POLA1: variants seen among roughly 807,000 people sequenced by gnomAD.
The protein encoded by POLA1 is DNA polymerase alpha catalytic subunit.
A neutral mutation model predicts 124.0 loss-of-function variants in POLA1; 15 were observed. The observed-to-expected ratio is 0.12, with a 90% CI of 0.08 to 0.19. The LOEUF is 0.19. Ranked by LOEUF, POLA1 falls within the 10% of genes least tolerant of loss-of-function variation. POLA1 has a pLI of 1.00. For missense variants in POLA1, 886 were observed against 1,103.4 expected (o/e 0.80, Z 2.79); for synonymous variants, 408 against 389.4 (o/e 1.05, Z -0.56).
chrX:24,745,978 A>G (rs1225564088), intron 24 of POLA1, among the ~76,000 whole-genome samples: 1 of 111,877 alleles, frequency 8.9e-6, no homozygotes. Flanking sequence ...GTTGCTGAAT[A>G]ATATTCCATT....
intron 35 of POLA1, among the ~76,000 whole-genome samples, chrX:24,913,952 C>T (rs2147185207): frequency 9.0e-6 from 1 of 110,563 alleles, no homozygotes; most frequent in East Asian, 2.8e-4. Context: ...CACTTGAACC[C>T]AGGAGGCGGA....
intron 35 of POLA1, among the ~76,000 whole-genome samples, chrX:24,914,085 A>G (rs1488546706): frequency 9.1e-6 from 1 of 110,091 alleles, no homozygotes; most frequent in African/African-American, 3.3e-5. Flanking sequence ...AGCCAGGCAC[A>G]CTAGCATGTG....
chrX:24,912,990 A>G (rs975691330), intron 35 of POLA1, among the ~76,000 whole-genome samples: 1 of 112,109 alleles, frequency 8.9e-6, no homozygotes, highest in African/African-American at 3.2e-5. Flanking sequence ...CATATGATCC[A>G]GCAGTCCTGT....
intron 24 of POLA1, among the ~76,000 whole-genome samples, chrX:24,747,397 T>A (rs766384001): frequency 2.8e-3 from 313 of 110,717 alleles, no homozygotes; most frequent in African/African-American, 9.9e-3. Context: ...ACTCCCGACC[T>A]CAGGTGATCC....
Position 24,748,400 on chromosome X carries a change from G to A in POLA1, c.2781G>A (p.Arg927=). 8.3e-7 allele frequency: 1 copy of A among 1,202,834 alleles called. No homozygotes were observed. The highest frequency in any genetic ancestry group is 1.1e-6 in the Non-Finnish European group (1 of 887,560). The change falls in exon 25 of 37, where the codon CGG becomes CGA. Residue 927 remains arginine, a synonymous_variant. Coordinates refer to ENST00000379068, the MANE Select transcript of POLA1 (RefSeq NM_001330360.2). Reference sequence around the variant, plus strand: ...GAGAGATCCGGAAACTGGTAGAACGGAGAAAACAAGTCAAACAGCTAATGA... The same window carrying A: ...GAGAGATCCGGAAACTGGTAGAACGAAGAAAACAAGTCAAACAGCTAATGA... ...LPREIRKLVE[R]RKQVKQLMKQ...
At chrX:24,935,856 C>T (rs896658344) in intron 36 of POLA1, among the ~76,000 whole-genome samples, 4 of 112,591 alleles carry the variant, frequency 3.6e-5, no homozygotes, top group Non-Finnish European at 7.5e-5. Flanking sequence ...GGATTGTGCT[C>T]ATTATATTGA....
At chrX:24,767,850 A>G (rs1406643995) in intron 26 of POLA1, among the ~76,000 whole-genome samples, 1 of 112,124 alleles carries the variant, frequency 8.9e-6, no homozygotes, top group East Asian at 2.8e-4. Context: ...ATTGAGTTAG[A>G]TCTGACTTTG....
chrX:24,743,447 G>T, intron 23 of POLA1, 118 bp downstream of exon 23: 1 of 367,054 alleles, frequency 2.7e-6, no homozygotes, highest in East Asian at 4.4e-5. Context: ...TAGGTCTCAT[G>T]ACTTTTATCT....
chrX:24,986,992 T>C (rs1393889557), intron 36 of POLA1, among the ~76,000 whole-genome samples: 1 of 111,430 alleles, frequency 9.0e-6, no homozygotes, highest in Non-Finnish European at 1.9e-5. Flanking sequence ...GGGTATGGCC[T>C]GGACCAAGTG....
chrX:24,727,019 C>A lies in POLA1; in HGVS notation c.1479C>A (p.Phe493Leu). The A allele has an allele frequency of 8.3e-7, 1 of 1,200,531 alleles. No homozygotes were observed. Among genetic ancestry groups the A allele is most frequent in the South Asian group, 1.8e-5 (1 of 55,209 alleles). Residue 493 changes from phenylalanine (F) to leucine (L), a missense_variant, in exon 14 of 37, where the codon TTC becomes TTA. Coordinates refer to ENST00000379068, the MANE Select transcript of POLA1 (RefSeq NM_001330360.2). ...FGTNTSSLEL[F>L]LMNRKIKGPC... ...CCAACACATCTAGCCTGGAACTGTT[C>A]TTGATGAACAGAAAGATCAAAGGAC...
intron 36 of POLA1, 151 bp from the exon 37 acceptor site, chrX:24,995,654 G>A (rs1056256966): frequency 1.5e-5 from 7 of 478,249 alleles, no homozygotes; most frequent in East Asian, 7.5e-5. Context: ...AGGAATGGTC[G>A]GCGGGGGCTG....
chrX:24,821,102 G>T (rs1445426062), intron 30 of POLA1, among the ~76,000 whole-genome samples: 1 of 112,036 alleles, frequency 8.9e-6, no homozygotes, highest in African/African-American at 3.2e-5. Context: ...TTATTCATCA[G>T]TCCCAACTGA....
At chrX:24,870,942 G>A (rs1485756422) in intron 34 of POLA1, among the ~76,000 whole-genome samples, 2 of 111,423 alleles carry the variant, frequency 1.8e-5, no homozygotes, top group African/African-American at 3.3e-5. Flanking sequence ...TTTTCCTTAC[G>A]GTTCTTGCAA....
chrX:24,713,440 CAG>C lies in POLA1; in HGVS notation c.347-1111_347-1110del, dbSNP rs1347420931. Among the ~76,000 whole-genome samples the C allele has an allele frequency of 3.6e-5, 4 of 111,424 alleles. No individual in the cohort carries two copies. The South Asian group carries it at 1.1e-3, about 31-fold the overall frequency. On this transcript the variant is annotated intron_variant, in intron 4 of 36. Coordinates refer to ENST00000379068, the MANE Select transcript of POLA1 (RefSeq NM_001330360.2). Reference sequence around the variant, plus strand: ...TGTTTGTTTTTTTTCTTTTTCAAGACAGAGTCTTGCTCTGTTGCCAGGCTGGA... The same window carrying C: ...TGTTTGTTTTTTTTCTTTTTCAAGACAGTCTTGCTCTGTTGCCAGGCTGGA...
chrX:24,737,735 G>A lies in POLA1; in HGVS notation c.2034G>A (p.Lys678=). The change falls in exon 19 of 37, where the codon AAG becomes AAA. Residue 678 remains lysine (K), a synonymous_variant. Coordinates refer to ENST00000379068, the MANE Select transcript of POLA1 (RefSeq NM_001330360.2). ...GACTGAAGCGATCCAACATGCCAAA[G>A]CTTGGGGTAATAATAATTTTCAAAA... ...IGRLKRSNMP[K]LGGRSGFGER... 1 of 1,031,307 alleles carries A rather than the reference G, an allele frequency of 9.7e-7. No individual in the cohort carries two copies. The allele number at this position is 1,031,307 out of a possible 1,213,427, so 85.0% of individuals were successfully genotyped here.
In POLA1 at chrX:24,741,150, C is replaced by T. The variant is rs1013959715; in HGVS notation, c.2217-225C>T. ...GTGTGTGTGTGTGTGTGTGTGTGCG[C>T]GCGTGTGTGTGTGTGTGTGTTTTGG... On this transcript the variant is annotated intron_variant, in intron 20 of 36. Transcript: ENST00000379068. 1.6e-4 allele frequency among the ~76,000 whole-genome samples: 16 copies of T among 99,612 alleles called. No homozygotes were observed. The East Asian group carries it at 2.8e-3, about 18-fold the overall frequency. The allele number at this position is 99,612 out of a possible 115,157, so 86.5% of individuals were successfully genotyped here.
chrX:24,920,387 C>T (rs1428278576), intron 35 of POLA1, among the ~76,000 whole-genome samples: 1 of 111,188 alleles, frequency 9.0e-6, no homozygotes, highest in Non-Finnish European at 1.9e-5. Context: ...GCTTCAGCCA[C>T]TTGGACCTAT....
At chrX:24,748,825 A>G (rs1932164242) in intron 25 of POLA1, 45 bp from the exon 26 acceptor site, 1 of 1,188,152 alleles carries the variant, frequency 8.4e-7, no homozygotes, top group Non-Finnish European at 1.1e-6. Context: ...ATGCTTAACC[A>G]TCTGTAAATG....
intron 32 of POLA1, among the ~76,000 whole-genome samples, chrX:24,828,804 G>T (rs1475145602): frequency 9.0e-6 from 1 of 111,600 alleles, no homozygotes; most frequent in Non-Finnish European, 1.9e-5. Flanking sequence ...AAGGGTGATG[G>T]AGCCTGCTTG....
Sources: allele counts gnomAD v4.1 joint callset (sites outside exome capture counted in the v4.1 genomes callset), GRCh38; gene constraint gnomAD v4.1.1; transcripts MANE v1.5; gene names NCBI Gene and HGNC (gene_info 2026-07-23, HGNC 2026-07-21).